The following OOEP variants were observed in gnomAD, a reference collection of about 807,000 sequenced individuals.
OOEP encodes the protein oocyte expressed protein.
OOEP carries 16 observed loss-of-function variants against 13.7 expected under a neutral mutation model. The ratio of observed to expected loss-of-function variants is 1.16; its 90% CI spans 0.79 to 1.77. OOEP has a LOEUF of 1.77. OOEP is among the 40% of genes most tolerant of loss of function. OOEP has a pLI of 0.00. For synonymous variants in OOEP, 89 were observed against 77.1 expected (o/e 1.15, Z -0.81); for missense variants, 195 against 193.1 (o/e 1.01, Z -0.06).
intron 2 of OOEP, among the ~76,000 whole-genome samples, chr6:73,380,569 A>C (rs1248504914): frequency 2.6e-5 from 4 of 152,212 alleles, no homozygotes; most frequent in Non-Finnish European, 5.9e-5. Flanking sequence ...AAAAGACACT[A>C]TAGGATTCCA....
At chr6:73,395,108 T>G, upstream of OOEP, 1 of 1,614,114 alleles carries the variant, frequency 6.2e-7, no homozygotes, top group Non-Finnish European at 8.5e-7. Flanking sequence ...CACGAGGAAC[T>G]GCCGCTGTGT....
At chr6:73,377,634 G>A (rs1769153780) in intron 2 of OOEP, among the ~76,000 whole-genome samples, 1 of 152,228 alleles carries the variant, frequency 6.6e-6, no homozygotes, top group South Asian at 2.1e-4. Flanking sequence ...TAAAAAGCCA[G>A]CAATATTTTT....
chr6:73,375,642 A>T (rs976688864), intron 2 of OOEP, among the ~76,000 whole-genome samples: 1 of 147,286 alleles, frequency 6.8e-6, no homozygotes, highest in African/African-American at 2.5e-5. Context: ...ATATTTATAT[A>T]AAATTAAGTT....
Position 73,369,636 on chromosome 6 carries a change from A to G in OOEP, c.157T>C (p.Tyr53His). The G allele has an allele frequency of 6.2e-7, 1 of 1,614,048 alleles. No individual in the cohort carries two copies. Among genetic ancestry groups the G allele is most frequent in the Non-Finnish European group, 8.5e-7 (1 of 1,179,890 alleles). ...VQELRDPLVF[Y>H]LEAWLADELF... ...TCGTCTGCCAGCCATGCCTCTAGGT[A>G]GAACACCAAAGGGTCTCTCAGTTCC... The change falls in exon 1 of 3, where the codon TAC becomes CAC. Residue 53 changes from tyrosine to histidine, a missense_variant. Physicochemically the swap from Tyr to His is moderately conservative, Grantham distance 83. Coordinates refer to ENST00000370359, the MANE Select transcript of OOEP (RefSeq NM_001080507.3).
Position 73,368,823 on chromosome 6 carries a change from A to G in OOEP, c.411T>C (p.His137=). The G allele has an allele frequency of 6.2e-7, 1 of 1,613,736 alleles. No individual in the cohort carries two copies. Among genetic ancestry groups the G allele is most frequent in the Non-Finnish European group, 8.5e-7 (1 of 1,179,650 alleles). The change falls in exon 3 of 3, where the codon CAT becomes CAC. Residue 137 remains histidine, a synonymous_variant. Coordinates refer to ENST00000370359, the MANE Select transcript of OOEP (RefSeq NM_001080507.3). The part of the protein sequence containing the change: ...MKHLEKNLKA[H]ASDPHSPQDP... ...CCTGGGGAGAGTGGGGGTCTGATGC[A>G]TGGGCCTTCAAGTTCTTCTCAAGGT...
chr6:73,370,075 C>T (rs76956896), upstream of OOEP: 6,911 of 458,476 alleles, frequency 0.015, 371 homozygotes, highest in African/African-American at 0.12. Context: ...TTCGTCATCT[C>T]TGCTCGTAAG....
rs558185783 is a variant in OOEP at position 73,377,515 on chromosome 6, C to T, written c.26-8130G>A. Among the ~76,000 whole-genome samples, 270 of 152,314 alleles carry T rather than the reference C, an allele frequency of 1.8e-3. 2 individuals are homozygous for T. The highest frequency in any genetic ancestry group is 2.7e-3 in the Non-Finnish European group (182 of 68,036). On this transcript the variant is annotated intron_variant, in intron 2 of 3. Transcript: ENST00000370363. ...AGTGAACTGTGCTATGCAACTTCCT[C>T]TCTACTCAAATGTTTCTCTGATATC... is the stretch of plus-strand genomic sequence containing the variant.
At chr6:73,382,608 GC>G (rs1769225750) in intron 2 of OOEP, among the ~76,000 whole-genome samples, 1 of 151,932 alleles carries the variant, frequency 6.6e-6, no homozygotes, top group Non-Finnish European at 1.5e-5. Context: ...TGATCCTCCT[GC>G]CCCAGCCTTC....
At chr6:73,375,549 C>G (rs1472016526) in intron 2 of OOEP, among the ~76,000 whole-genome samples, 5 of 151,378 alleles carry the variant, frequency 3.3e-5, no homozygotes, top group African/African-American at 1.2e-4. Context: ...CATTGCACTC[C>G]AGCCTGGACT....
intron 2 of OOEP, among the ~76,000 whole-genome samples, chr6:73,384,635 G>C (rs1769245708): frequency 6.6e-6 from 1 of 152,100 alleles, no homozygotes; most frequent in South Asian, 2.1e-4. Flanking sequence ...AGGAGTTCCA[G>C]GTATTGAGCC....
exon 1 of OOEP, chr6:73,394,773 G>T (rs185124606): frequency 6.6e-5 from 84 of 1,278,170 alleles, no homozygotes; most frequent in East Asian, 1.2e-4. Flanking sequence ...GAGCGTGGGC[G>T]GGGGGGCTAG....
chr6:73,389,207 G>A (rs1453186804), intron 2 of OOEP, among the ~76,000 whole-genome samples: 1 of 152,182 alleles, frequency 6.6e-6, no homozygotes, highest in Non-Finnish European at 1.5e-5. Flanking sequence ...CCCTCCTGAG[G>A]TTGAGGCTTG....
chr6:73,385,009 T>G (rs1234508218), intron 2 of OOEP, among the ~76,000 whole-genome samples: 2 of 149,436 alleles, frequency 1.3e-5, no homozygotes, highest in Admixed American at 6.6e-5. Flanking sequence ...AGTGCTGGGA[T>G]TACAGGTGTA....
intron 2 of OOEP, among the ~76,000 whole-genome samples, chr6:73,377,401 A>G (rs892660868): frequency 2.0e-5 from 3 of 148,174 alleles, no homozygotes; most frequent in African/African-American, 7.4e-5. Flanking sequence ...TATCTGCCTC[A>G]GGAGTAGATA....
chr6:73,371,424 G>A (rs1191720571), upstream of OOEP, among the ~76,000 whole-genome samples: 1 of 152,046 alleles, frequency 6.6e-6, no homozygotes. Flanking sequence ...CCAACATGGA[G>A]AAAACCGGTC....
chr6:73,385,649 G>A (rs889329328), intron 2 of OOEP, among the ~76,000 whole-genome samples: 2 of 150,752 alleles, frequency 1.3e-5, no homozygotes, highest in East Asian at 2.0e-4. Flanking sequence ...GTGCAGTGGC[G>A]TGGTCTTGGC....
At chr6:73,394,860 G>C (rs1769427833) in exon 1 of OOEP, 1 of 1,601,958 alleles carries the variant, frequency 6.2e-7, no homozygotes, top group African/African-American at 1.3e-5. Context: ...GTCAGGTGGT[G>C]CAGAGCTGGA....
At chr6:73,392,859 T>A (rs1769367491) in intron 2 of OOEP, among the ~76,000 whole-genome samples, 1 of 151,612 alleles carries the variant, frequency 6.6e-6, no homozygotes, top group African/African-American at 2.4e-5. Context: ...CTCGATCTCT[T>A]GACCTTGTGA....
rs748888992 is a variant in OOEP, at chr6:73,369,703, C to T, written c.90G>A (p.Pro30=). 5 of 1,614,010 alleles carry T rather than the reference C, an allele frequency of 3.1e-6. No homozygotes were observed. The highest frequency in any genetic ancestry group is 4.2e-6 in the Non-Finnish European group (5 of 1,179,872). The change falls in exon 1 of 3, where the codon CCG becomes CCA. Residue 30 remains proline (P), a synonymous_variant. Coordinates refer to ENST00000370359, the MANE Select transcript of OOEP (RefSeq NM_001080507.3). The part of the protein sequence containing the change: ...SLEQLRRLPL[P]PPQIRIRPWW... ...AGGGCCGGATGCGAATCTGTGGCGG[C>T]GGAAGTGGTAACCTACGCAGCTGCT...
Sources: gnomAD v4.1 joint callset for allele counts (sites outside exome capture counted in the v4.1 genomes callset) on GRCh38, gnomAD v4.1.1 for gene constraint, MANE v1.5 for transcripts, NCBI Gene and HGNC (gene_info 2026-07-23, HGNC 2026-07-21) for gene names.